Variants in ZNF486 observed in about 807,000 individuals in gnomAD.
The protein encoded by ZNF486 is zinc finger protein 486, also known as KRAB box only protein 2.
ZNF486 carries 12 observed loss-of-function variants against 12.8 expected under a neutral mutation model. The ratio of observed to expected loss-of-function variants is 0.94; its 90% CI spans 0.60 to 1.52. The LOEUF (loss-of-function observed/expected upper bound fraction) is 1.52. ZNF486 is among the 40% of genes most tolerant of loss of function. The pLI, the probability that ZNF486 is intolerant of heterozygous loss-of-function variation, is 0.00. For synonymous variants in ZNF486, 231 were observed against 184.9 expected (o/e 1.25, Z -2.02); for missense variants, 738 against 545.0 (o/e 1.35, Z -3.53).
At chr19:20,169,985 G>T (rs1180827835) in intron 1 of ZNF486, among the ~76,000 whole-genome samples, 7 of 150,300 alleles carry the variant, frequency 4.7e-5, no homozygotes, top group Non-Finnish European at 8.9e-5. Context: ...CCGCCTCCCG[G>T]GTTCACGCCA....
chr19:20,182,551 C>T (rs2122652593), intron 1 of ZNF486, among the ~76,000 whole-genome samples: 1 of 152,310 alleles, frequency 6.6e-6, no homozygotes, highest in Middle Eastern at 3.4e-3. Flanking sequence ...TTAAGTTCCA[C>T]CTTTGCACTA....
chr19:20,198,598 C>G lies in ZNF486; in HGVS notation c.*496C>G, dbSNP rs2089984459. 1 of 158,020 alleles carries G rather than the reference C, an allele frequency of 6.3e-6. No individual in the cohort carries two copies. The highest frequency in any genetic ancestry group is 6.1e-5 in the Admixed American group (1 of 16,326). The allele number at this position is 158,020 out of a possible 1,614,324, so 9.8% of individuals were successfully genotyped here. A position where few individuals can be genotyped will look rare whatever the true frequency, so the allele number is the denominator to read the frequency against. ...AGTGCAATGGCATGATCTTGGCTTA[C>G]TGTGACCTCTGCCTCCTGGGTTCAA... On this transcript the variant is annotated 3_prime_UTR_variant, in exon 4 of 4. Coordinates refer to ENST00000335117, the MANE Select transcript of ZNF486 (RefSeq NM_052852.4).
intron 1 of ZNF486, among the ~76,000 whole-genome samples, chr19:20,182,419 C>T (rs1555715722): frequency 6.6e-6 from 1 of 152,234 alleles, no homozygotes; most frequent in Non-Finnish European, 1.5e-5. Context: ...CTCTTGTGCC[C>T]TCCCCACAGC....
Position 20,184,373 on chromosome 19 carries a change from A to G in ZNF486, c.48A>G (p.Arg16=). 6.2e-7 allele frequency: 1 copy of G among 1,613,318 alleles called. No homozygotes were observed. Among genetic ancestry groups the G allele is most frequent in the Non-Finnish European group, 8.5e-7 (1 of 1,179,598 alleles). The stretch of plus-strand genomic sequence containing the variant: ...TTTTTCAGGAATCATTGCAATTTAG[A>G]GATGTGGCTGTAGAATTCTCTCTGG... ...RSLEMESLQF[R]DVAVEFSLEE... Residue 16 remains arginine, a synonymous_variant, in exon 2 of 4, where the codon AGA becomes AGG. Transcript: ENST00000335117.
At chr19:20,177,111 T>A (rs1161188149) in intron 1 of ZNF486, 2 of 152,034 alleles carry the variant, frequency 1.3e-5, no homozygotes, top group African/African-American at 2.4e-5. Flanking sequence ...CTGTGGCAAA[T>A]GGGGTTCATA....
At chr19:20,172,577 G>A (rs1426903252) in intron 1 of ZNF486, among the ~76,000 whole-genome samples, 1 of 150,814 alleles carries the variant, frequency 6.6e-6, no homozygotes, top group Non-Finnish European at 1.5e-5. Flanking sequence ...GGGATTACAT[G>A]CATGAGCCAC....
intron 1 of ZNF486, among the ~76,000 whole-genome samples, chr19:20,179,490 A>T (rs1322780301): frequency 6.6e-6 from 1 of 151,980 alleles, no homozygotes; most frequent in Admixed American, 6.6e-5. Flanking sequence ...CCTTTTTTTT[A>T]AATGTAGACT....
In ZNF486 at chr19:20,198,807, C is replaced by T. The variant is rs978135732; in HGVS notation, c.*705C>T. 2.0e-5 allele frequency: 3 copies of T among 152,250 alleles called. No homozygotes were observed. Among genetic ancestry groups the T allele is most frequent in the African/African-American group, 7.2e-5 (3 of 41,428 alleles). 9.4% of individuals were successfully genotyped at this position (152,250 alleles called of 1,614,324 possible). Reference sequence around the variant, plus strand: ...AAAGTGCTGGGATGACAGGCATGAGCCTCAATTCCCAGCCATAAGCTCTTA... The same window carrying T: ...AAAGTGCTGGGATGACAGGCATGAGTCTCAATTCCCAGCCATAAGCTCTTA... On this transcript the variant is annotated 3_prime_UTR_variant, in exon 4 of 4. Coordinates refer to ENST00000335117, the MANE Select transcript of ZNF486 (RefSeq NM_052852.4).
At position 20,196,971 on chromosome 19, in the gene ZNF486, T is replaced by G. The variant is rs782686840; in HGVS notation, c.261T>G (p.Cys87Trp). 5.8e-6 allele frequency: 9 copies of G among 1,546,338 alleles called. No homozygotes were observed. The East Asian group carries it at 1.8e-4, about 31-fold the overall frequency. ...TTTTATTGTTTCTTTCAGTTGTGTG[T>G]TCTCATTTTGCCCAAGACCTTTGGC... ...HEMIAKPPVV[C>W]SHFAQDLWPE... is the part of the protein sequence containing the mutation. Residue 87 changes from cysteine (C) to tryptophan (W), a missense_variant, in exon 4 of 4, where the codon TGT becomes TGG. By Grantham distance (215) the Cys-to-Trp change is radical. Coordinates refer to ENST00000335117, the MANE Select transcript of ZNF486 (RefSeq NM_052852.4).
In ZNF486 at chr19:20,198,365, A is replaced by G. The variant is rs2089982496; in HGVS notation, c.*263A>G. 2.2e-5 allele frequency: 9 copies of G among 416,988 alleles called. No homozygotes were observed. The highest frequency in any genetic ancestry group is 3.9e-5 in the Non-Finnish European group (9 of 232,298). The allele number at this position is 416,988 out of a possible 1,614,324, so 25.8% of individuals were successfully genotyped here. A position where few individuals can be genotyped will look rare whatever the true frequency, so the allele number is the denominator to read the frequency against. ...TGGTCTGCCTGCTTTGGCCTCCCAAAGTGTTGGGGTTACAGGCATGAGCCA... is the reference window on the plus strand; with the variant it reads ...TGGTCTGCCTGCTTTGGCCTCCCAAGGTGTTGGGGTTACAGGCATGAGCCA... On this transcript the variant is annotated 3_prime_UTR_variant, in exon 4 of 4. Transcript: ENST00000335117.
At chr19:20,180,269 C>G (rs1097509) in intron 1 of ZNF486, among the ~76,000 whole-genome samples, 1 of 152,022 alleles carries the variant, frequency 6.6e-6, no homozygotes, top group Non-Finnish European at 1.5e-5. Context: ...GTACCCAGAT[C>G]AGAGTTTCTC....
In ZNF486 at chr19:20,197,525, G is replaced by T. The variant is rs782634381; in HGVS notation, c.815G>T (p.Gly272Val). 1.2e-6 allele frequency: 2 copies of T among 1,612,334 alleles called. No individual in the cohort carries two copies. Among genetic ancestry groups the T allele is most frequent in the African/African-American group, 2.7e-5 (2 of 74,774 alleles). The change falls in exon 4 of 4, where the codon GGC (glycine) becomes GTC (valine). Residue 272 changes from glycine to valine, a missense_variant. Physicochemically the swap from Gly to Val is moderately radical, Grantham distance 109. Coordinates refer to ENST00000335117, the MANE Select transcript of ZNF486 (RefSeq NM_052852.4). The stretch of plus-strand genomic sequence containing the variant: ...AAACCCTACATTTGTGAAGAATGTG[G>T]CAAAGCCTTTATGTACCCCTATACC... ...GEKPYICEEC[G>V]KAFMYPYTLT... is the part of the protein sequence containing the mutation.
At chr19:20,184,570 T>C in intron 2 of ZNF486, 88 bp downstream of exon 2, 3 of 1,392,440 alleles carry the variant, frequency 2.2e-6, no homozygotes, top group Non-Finnish European at 2.9e-6. Context: ...ATTTATCCTT[T>C]GCATAAAAGA....
chr19:20,194,121 T>C (rs2089933985), intron 3 of ZNF486, among the ~76,000 whole-genome samples: 1 of 152,180 alleles, frequency 6.6e-6, no homozygotes, highest in African/African-American at 2.4e-5. Context: ...TTCTGTACCA[T>C]TATGATGTTA....
chr19:20,184,428 C>G lies in ZNF486; in HGVS notation c.103C>G (p.Gln35Glu). 6.2e-7 allele frequency: 1 copy of G among 1,613,442 alleles called. No homozygotes were observed. Among genetic ancestry groups the G allele is most frequent in the Non-Finnish European group, 8.5e-7 (1 of 1,179,692 alleles). Residue 35 changes from glutamine to glutamate, a missense_variant, in exon 2 of 4, where the codon CAG becomes GAG. Gln to Glu is a conservative substitution (Grantham distance 29, BLOSUM62 2). Coordinates refer to ENST00000335117, the MANE Select transcript of ZNF486 (RefSeq NM_052852.4). ...GTGGCATTGCCTGGACACTGCACAG[C>G]AGAATTTATATAGGGATGTGATGTT... Reference protein sequence around the residue: ...EEWHCLDTAQQNLYRDVMLEN... With the variant: ...EEWHCLDTAQENLYRDVMLEN...
In ZNF486 at chr19:20,200,084, A is replaced by C. The variant is rs1555718686; in HGVS notation, c.*1982A>C. 1 of 152,094 alleles carries C rather than the reference A, an allele frequency of 6.6e-6. No individual in the cohort carries two copies. Among genetic ancestry groups the C allele is most frequent in the African/African-American group, 2.4e-5 (1 of 41,418 alleles). 9.4% of individuals were successfully genotyped at this position (152,094 alleles called of 1,614,324 possible). On this transcript the variant is annotated 3_prime_UTR_variant, in exon 4 of 4. Coordinates refer to ENST00000335117, the MANE Select transcript of ZNF486 (RefSeq NM_052852.4). Reference sequence around the variant, plus strand: ...GAGCAAGACTCCATCTCAAAAAAAAAAGTGTATTTGTTTCCTTAAAAAAAT... The same window carrying C: ...GAGCAAGACTCCATCTCAAAAAAAACAGTGTATTTGTTTCCTTAAAAAAAT...
intron 1 of ZNF486, among the ~76,000 whole-genome samples, chr19:20,173,846 T>C (rs912024376): frequency 6.6e-6 from 1 of 151,604 alleles, no homozygotes; most frequent in African/African-American, 2.4e-5. Context: ...AAAAAAAAAC[T>C]TCCAAAAAAA....
chr19:20,178,774 A>T (rs372024013), intron 1 of ZNF486, among the ~76,000 whole-genome samples: 2 of 152,200 alleles, frequency 1.3e-5, no homozygotes, highest in East Asian at 1.9e-4. Context: ...GCTAGATCAG[A>T]TTTCTACAAA....
intron 2 of ZNF486, among the ~76,000 whole-genome samples, chr19:20,185,565 C>T (rs1272679535): frequency 4.0e-5 from 6 of 151,216 alleles, no homozygotes; most frequent in South Asian, 2.1e-4. Flanking sequence ...AGGCACGTGC[C>T]GCTGCACCCA....
Sources: gnomAD v4.1 joint callset for allele counts (sites outside exome capture counted in the v4.1 genomes callset) on GRCh38, gnomAD v4.1.1 for gene constraint, MANE v1.5 for transcripts, NCBI Gene and HGNC (gene_info 2026-07-23, HGNC 2026-07-21) for gene names.